The following SEMA3E variants were observed in gnomAD, a reference collection of about 807,000 sequenced individuals.
SEMA3E encodes semaphorin-3E.
A neutral mutation model predicts 93.6 loss-of-function variants in SEMA3E; 49 were observed. That is an observed-to-expected ratio of 0.52 (90% CI 0.42 to 0.66). The LOEUF is 0.66. Among genes scored for constraint, SEMA3E ranks in the 30% least tolerant of loss-of-function variants. The probability of loss-of-function intolerance (pLI) is 0.00; values close to 1 mark genes in which losing one functional copy is unlikely to be tolerated. For missense variants in SEMA3E, 906 were observed against 964.8 expected (o/e 0.94, Z 0.81); for synonymous variants, 363 against 330.7 (o/e 1.10, Z -1.06).
chr7:83,392,532 G>C (rs1435019830), intron 14 of SEMA3E, 23 bp downstream of exon 14: 1 of 1,602,454 alleles, frequency 6.2e-7, no homozygotes. Flanking sequence ...AAGGGAAATA[G>C]TTAATCAGGT....
At chr7:83,538,424 T>C (rs900647260) in intron 1 of SEMA3E, among the ~76,000 whole-genome samples, 10 of 152,172 alleles carry the variant, frequency 6.6e-5, no homozygotes, top group Non-Finnish European at 1.5e-5. Context: ...TTTGCATTTT[T>C]CTGATGCCTA....
At chr7:83,369,396 G>A (rs1794720589) in intron 16 of SEMA3E, among the ~76,000 whole-genome samples, 1 of 152,132 alleles carries the variant, frequency 6.6e-6, no homozygotes. Context: ...CACAAACCAC[G>A]ATTTGTGGAA....
chr7:83,539,087 T>C (rs1214234369), intron 1 of SEMA3E, among the ~76,000 whole-genome samples: 4 of 152,104 alleles, frequency 2.6e-5, no homozygotes, highest in African/African-American at 7.2e-5. Flanking sequence ...CACAGAATGG[T>C]TTTGTTTGGA....
intron 1 of SEMA3E, among the ~76,000 whole-genome samples, chr7:83,596,303 A>G (rs999640947): frequency 6.6e-6 from 1 of 151,456 alleles, no homozygotes; most frequent in Admixed American, 6.6e-5. Context: ...CTCTAGATTC[A>G]TCTTATATTT....
rs1788666607 is a variant in SEMA3E, at chr7:83,421,342, T to A, written c.457-2859A>T. ...GCTTCACACAGATAATGAAAATTAA[T>A]ATTTTCATGAAAAACTACTTTATTG... On this transcript the variant is annotated intron_variant, in intron 4 of 16. Transcript: ENST00000643230. 1.4e-5 allele frequency among the ~76,000 whole-genome samples: 2 copies of A among 141,636 alleles called. 1 individual carries two copies. Among genetic ancestry groups the A allele is most frequent in the South Asian group, 4.7e-4 (2 of 4,274 alleles). The allele number at this position is 141,636 out of a possible 152,430, so 92.9% of individuals were successfully genotyped here. A position where few individuals can be genotyped will look rare whatever the true frequency, so the allele number is the denominator to read the frequency against.
At chr7:83,646,531 A>G (rs1325779668) in intron 1 of SEMA3E, among the ~76,000 whole-genome samples, 1 of 152,088 alleles carries the variant, frequency 6.6e-6, no homozygotes, top group East Asian at 1.9e-4. Flanking sequence ...GCCTTTGTAT[A>G]AAAACATCAT....
chr7:83,648,620 G>A lies in SEMA3E; in HGVS notation c.-78C>T. 1 of 1,045,708 alleles carries A rather than the reference G, an allele frequency of 9.6e-7. No homozygotes were observed. The highest frequency in any genetic ancestry group is 1.5e-6 in the Non-Finnish European group (1 of 679,772). 64.8% of individuals were successfully genotyped at this position (1,045,708 alleles called of 1,614,324 possible). The stretch of plus-strand genomic sequence containing the variant: ...GTTTTACTTAGGACTTCCCTCCAGG[G>A]GCAGCGTGCGAGAGGCTTTGTCAGA... On this transcript the variant is annotated 5_prime_UTR_variant, in exon 1 of 17. Transcript: ENST00000643230.
chr7:83,647,064 TG>T (rs1264580456), intron 1 of SEMA3E, among the ~76,000 whole-genome samples: 1 of 152,102 alleles, frequency 6.6e-6, no homozygotes, highest in African/African-American at 2.4e-5. Flanking sequence ...ATACATACCA[TG>T]ATACATCTTC....
chr7:83,436,729 C>A (rs933049635), intron 4 of SEMA3E, among the ~76,000 whole-genome samples: 9 of 152,008 alleles, frequency 5.9e-5, no homozygotes, highest in Non-Finnish European at 8.8e-5. Flanking sequence ...TTTTACTCAG[C>A]ATTATTTTCT....
At chr7:83,376,137 C>T (rs1794819147) in intron 16 of SEMA3E, among the ~76,000 whole-genome samples, 2 of 151,984 alleles carry the variant, frequency 1.3e-5, no homozygotes, top group Admixed American at 6.6e-5. Context: ...AGAGTTCATG[C>T]ACTTTACATT....
chr7:83,432,400 TAAAA>T (rs969194661), intron 4 of SEMA3E, among the ~76,000 whole-genome samples: 2 of 151,642 alleles, frequency 1.3e-5, no homozygotes, highest in Non-Finnish European at 2.9e-5. Context: ...ATAAGACAAA[TAAAA>T]AGTTATAATA....
At chr7:83,393,540 A>G (rs752622544) in intron 13 of SEMA3E, among the ~76,000 whole-genome samples, 4 of 152,158 alleles carry the variant, frequency 2.6e-5, no homozygotes, top group Non-Finnish European at 5.9e-5. Context: ...AAAACAGAAA[A>G]CAAATCTATA....
At chr7:83,393,762 C>T (rs898480403) in intron 13 of SEMA3E, among the ~76,000 whole-genome samples, 6 of 152,074 alleles carry the variant, frequency 3.9e-5, no homozygotes, top group African/African-American at 1.4e-4. Flanking sequence ...GAAGTTTACA[C>T]CAAACTGATT....
At chr7:83,494,881 T>C (rs1328290836) in intron 1 of SEMA3E, among the ~76,000 whole-genome samples, 2 of 151,982 alleles carry the variant, frequency 1.3e-5, no homozygotes, top group Non-Finnish European at 2.9e-5. Flanking sequence ...TCATAATTCA[T>C]AGATTGCTGG....
At chr7:83,583,949 T>C (rs1487113206) in intron 1 of SEMA3E, among the ~76,000 whole-genome samples, 11 of 152,018 alleles carry the variant, frequency 7.2e-5, no homozygotes, top group Admixed American at 7.2e-4. Context: ...CTCATTGACG[T>C]TGTTGAGCCT....
intron 1 of SEMA3E, among the ~76,000 whole-genome samples, chr7:83,507,424 CTGTGTG>C (rs4016317): frequency 0.075 from 9,381 of 125,888 alleles, 566 homozygotes; most frequent in African/African-American, 0.17. Context: ...AAACAGAACT[CTGTGTG>C]TGTGTGTGTG....
intron 14 of SEMA3E, among the ~76,000 whole-genome samples, chr7:83,389,917 G>A (rs2115564205): frequency 8.9e-6 from 1 of 112,894 alleles, no homozygotes; most frequent in Non-Finnish European, 1.8e-5. Flanking sequence ...ATATATACAC[G>A]TATATATTAC....
chr7:83,497,667 T>C (rs2115585370), intron 1 of SEMA3E, among the ~76,000 whole-genome samples: 1 of 152,348 alleles, frequency 6.6e-6, no homozygotes, highest in Non-Finnish European at 1.5e-5. Flanking sequence ...AAATAAGCAA[T>C]TAACTTTTTA....
At chr7:83,542,573 TAAATA>T (rs556101873) in intron 1 of SEMA3E, among the ~76,000 whole-genome samples, 7 of 151,952 alleles carry the variant, frequency 4.6e-5, no homozygotes, top group African/African-American at 7.3e-5. Flanking sequence ...AATAGTTGAC[TAAATA>T]AAATAAACAA....
Sources: gnomAD v4.1 joint callset for allele counts (sites outside exome capture counted in the v4.1 genomes callset) on GRCh38, gnomAD v4.1.1 for gene constraint, MANE v1.5 for transcripts, NCBI Gene and HGNC (gene_info 2026-07-23, HGNC 2026-07-21) for gene names.